The following TREML2 variants were observed in gnomAD, a reference collection of about 807,000 sequenced individuals.
TREML2 encodes trem-like transcript 2 protein.
TREML2 carries 24 observed loss-of-function variants against 25.9 expected under a neutral mutation model. The observed-to-expected ratio is 0.93, with a 90% CI of 0.67 to 1.30. The LOEUF is 1.30. TREML2 is among the 50% of genes most tolerant of loss of function. TREML2 has a pLI of 0.00. For synonymous variants in TREML2, 139 were observed against 155.2 expected (o/e 0.90, Z 0.77); for missense variants, 359 against 395.6 (o/e 0.91, Z 0.78).
Position 41,191,865 on chromosome 6 carries a change from T to G in TREML2, c.*562A>C, listed in dbSNP as rs1582094772. On this transcript the variant is annotated 3_prime_UTR_variant, in exon 5 of 5. Coordinates refer to ENST00000483722, the MANE Select transcript of TREML2 (RefSeq NM_024807.4). ...ATCCAGAGGCCCAGCAAAGGACACC[T>G]GTCCCGACAAGAGAAGCTGCCAACC... 1 of 157,960 alleles carries G rather than the reference T, an allele frequency of 6.3e-6. No homozygotes were observed. The allele number at this position is 157,960 out of a possible 1,614,324, so 9.8% of individuals were successfully genotyped here.
At chr6:41,198,926 G>T (rs1312300580) in intron 1 of TREML2, among the ~76,000 whole-genome samples, 2 of 152,158 alleles carry the variant, frequency 1.3e-5, no homozygotes, top group Non-Finnish European at 2.9e-5. Flanking sequence ...GCAGTGGCAC[G>T]ATCTCAGCTC....
intron 3 of TREML2, 123 bp downstream of exon 3, chr6:41,194,302 T>G: frequency 1.0e-6 from 1 of 959,844 alleles, no homozygotes; most frequent in Non-Finnish European, 1.5e-6. Flanking sequence ...CACCTCACAT[T>G]CAGAAGCAGG....
At position 41,194,748 on chromosome 6, in the gene TREML2, G is replaced by A; in HGVS notation, c.462C>T (p.Thr154=). The change falls in exon 3 of 5, where the codon ACC becomes ACT. Residue 154 remains threonine (T), a synonymous_variant. Coordinates refer to ENST00000483722, the MANE Select transcript of TREML2 (RefSeq NM_024807.4). ...SGTVTTGQAP[T]SGPDAPFTTG... is the part of the protein sequence containing the mutation. ...TGGTAAAAGGGGCATCAGGGCCTGAGGTAGGGGCTTGGCCAGTTGTGACAG... is the reference window on the plus strand; with the variant it reads ...TGGTAAAAGGGGCATCAGGGCCTGAAGTAGGGGCTTGGCCAGTTGTGACAG... 2 of 1,613,860 alleles carry A rather than the reference G, an allele frequency of 1.2e-6. No individual in the cohort carries two copies. The highest frequency in any genetic ancestry group is 1.7e-6 in the Non-Finnish European group (2 of 1,179,868).
At position 41,192,882 on chromosome 6, in the gene TREML2, TG is replaced by T; in HGVS notation, c.804del (p.Thr269LeufsTer7). 1 of 1,583,604 alleles carries T rather than the reference TG, an allele frequency of 6.3e-7. No homozygotes were observed. The highest frequency in any genetic ancestry group is 1.2e-5 in the South Asian group (1 of 85,844). Reference protein sequence around the residue: ...MPSIRHQDVYSTVLGVVLTLL... With the variant: ...MPSIRHQDVYXTVLGVVLTLL... ...AGGGTCAGCACCACCCCAAGCACAG[TG>T]GAGTAAACATCCTGGTGCCTGAGAA... is the stretch of plus-strand genomic sequence containing the variant. On this transcript the variant is annotated frameshift_variant, in exon 4 of 5. Transcript: ENST00000483722. LOFTEE classifies it high-confidence loss of function.
In TREML2 at chr6:41,192,658, C is replaced by T. The variant is rs1049046047; in HGVS notation, c.886+143G>A. On this transcript the variant is annotated intron_variant, in intron 4 of 4. Coordinates refer to ENST00000483722, the MANE Select transcript of TREML2 (RefSeq NM_024807.4). ...TGCTGGGTGGTCTCCGCCTGGCCGC[C>T]CTCCTCCCCAGGTGGAAGCGTCATA... 10 of 1,127,248 alleles carry T rather than the reference C, an allele frequency of 8.9e-6. No homozygotes were observed. The Admixed American group carries it at 1.2e-4, about 14-fold the overall frequency. The allele number at this position is 1,127,248 out of a possible 1,614,324, so 69.8% of individuals were successfully genotyped here. A position where few individuals can be genotyped will look rare whatever the true frequency, so the allele number is the denominator to read the frequency against.
rs1766128587 is a variant in TREML2 at position 41,194,754 on chromosome 6, G to A, written c.456C>T (p.Ala152=). Reference sequence around the variant, plus strand: ...AAGGGGCATCAGGGCCTGAGGTAGGGGCTTGGCCAGTTGTGACAGTTCCAC... The same window carrying A: ...AAGGGGCATCAGGGCCTGAGGTAGGAGCTTGGCCAGTTGTGACAGTTCCAC... ...LKSGTVTTGQ[A]PTSGPDAPFT... Residue 152 remains alanine, a synonymous_variant, in exon 3 of 5, where the codon GCC becomes GCT. Coordinates refer to ENST00000483722, the MANE Select transcript of TREML2 (RefSeq NM_024807.4). 6.2e-7 allele frequency: 1 copy of A among 1,613,422 alleles called. No individual in the cohort carries two copies. Among genetic ancestry groups the A allele is most frequent in the Admixed American group, 1.7e-5 (1 of 59,942 alleles).
At position 41,194,566 on chromosome 6, in the gene TREML2, G is replaced by C; in HGVS notation, c.644C>G (p.Pro215Arg). ...TMGSQTVTAS[P>R]SNARDSSAGP... ...AGCAGAGGAGTCCCTGGCATTGCTG[G>C]GAGACGCGGTCACTGTCTGGGACCC... The change falls in exon 3 of 5, where the codon CCC becomes CGC. Residue 215 changes from proline (P) to arginine (R), a missense_variant. Pro to Arg is a moderately radical substitution (Grantham distance 103). Transcript: ENST00000483722. 1 of 1,614,036 alleles carries C rather than the reference G, an allele frequency of 6.2e-7. No homozygotes were observed.
chr6:41,193,406 C>G (rs577949523), intron 3 of TREML2, among the ~76,000 whole-genome samples: 1 of 152,198 alleles, frequency 6.6e-6, no homozygotes, highest in Admixed American at 6.5e-5. Flanking sequence ...AGCAGGCAGC[C>G]CTCTACTGAT....
intron 2 of TREML2, among the ~76,000 whole-genome samples, chr6:41,196,027 TA>T (rs1766153724): frequency 6.6e-6 from 1 of 152,220 alleles, no homozygotes; most frequent in South Asian, 2.1e-4. Context: ...TGGAATATCC[TA>T]TACTGCTAGA....
chr6:41,196,333 A>T lies in TREML2; in HGVS notation c.377-1500T>A, dbSNP rs1766163514. On this transcript the variant is annotated intron_variant, in intron 2 of 4. Coordinates refer to ENST00000483722, the MANE Select transcript of TREML2 (RefSeq NM_024807.4). ...AGCGACAGCATTTTCCCTAGTTCAG[A>T]CCCTGTGGAAGATGGAGATGCAATT... Among the ~76,000 whole-genome samples, 2 of 152,174 alleles carry T rather than the reference A, an allele frequency of 1.3e-5. 1 individual carries two copies. The highest frequency in any genetic ancestry group is 4.1e-4 in the South Asian group (2 of 4,828).
At position 41,200,860 on chromosome 6, in the gene TREML2, A is replaced by G. The variant is rs183523992; in HGVS notation, c.55+94T>C. On this transcript the variant is annotated intron_variant, in intron 1 of 4. Coordinates refer to ENST00000483722, the MANE Select transcript of TREML2 (RefSeq NM_024807.4). ...TCCCCAACCCACAAAACACTAAACA[A>G]GAAAACTGCTGGTAAGGAGGGTAAG... is the stretch of plus-strand genomic sequence containing the variant. 5.8e-4 allele frequency: 676 copies of G among 1,161,612 alleles called. 9 individuals are homozygous for G. In the Admixed American group the frequency reaches 0.02, roughly 34 times the overall value. The allele number at this position is 1,161,612 out of a possible 1,614,324, so 72.0% of individuals were successfully genotyped here. A position where few individuals can be genotyped will look rare whatever the true frequency, so the allele number is the denominator to read the frequency against.
intron 3 of TREML2, 65 bp from the exon 4 acceptor site, chr6:41,192,966 G>T: frequency 7.4e-7 from 1 of 1,349,620 alleles, no homozygotes; most frequent in Non-Finnish European, 1.0e-6. Flanking sequence ...CCCACGTTGG[G>T]ATCGGACCAG....
Position 41,200,986 on chromosome 6 carries a change from A to T in TREML2, c.23T>A (p.Leu8Gln), listed in dbSNP as rs1314911462. The T allele has an allele frequency of 1.3e-5, 20 of 1,592,568 alleles. No homozygotes were observed. The highest frequency in any genetic ancestry group is 1.6e-5 in the Non-Finnish European group (19 of 1,169,348). Residue 8 changes from leucine (L) to glutamine (Q), a missense_variant, in exon 1 of 5, where the codon CTG becomes CAG. By Grantham distance (113) the Leu-to-Gln change is moderately radical (BLOSUM62 -2). Coordinates refer to ENST00000483722, the MANE Select transcript of TREML2 (RefSeq NM_024807.4). MAPAFLL[L>Q]LLLWPQGCVS... ...GCAACCCTGTGGCCACAGCAGCAGC[A>T]GCAGCAGGAAGGCTGGGGCCATGGT...
In TREML2 at chr6:41,192,876, G is replaced by A. The variant is rs749702426; in HGVS notation, c.811C>T (p.Leu271Phe). 6.3e-7 allele frequency: 1 copy of A among 1,590,054 alleles called. No homozygotes were observed. Among genetic ancestry groups the A allele is most frequent in the South Asian group, 1.1e-5 (1 of 87,062 alleles). Residue 271 changes from leucine to phenylalanine, a missense_variant, in exon 4 of 5, where the codon CTT becomes TTT. Physicochemically the swap from Leu to Phe is conservative, Grantham distance 22 (BLOSUM62 0). Coordinates refer to ENST00000483722, the MANE Select transcript of TREML2 (RefSeq NM_024807.4). ...IRHQDVYSTV[L>F]GVVLTLLVLM... ...ACCAGGAGGGTCAGCACCACCCCAA[G>A]CACAGTGGAGTAAACATCCTGGTGC...
At position 41,196,815 on chromosome 6, in the gene TREML2, C is replaced by T. The variant is rs572993667; in HGVS notation, c.376+1294G>A. ...ATAGAGATACTTTCAAATACATACC[C>T]CAGCTCTGACCTCTCACCCTAGCTC... is the stretch of plus-strand genomic sequence containing the variant. On this transcript the variant is annotated intron_variant, in intron 2 of 4. Coordinates refer to ENST00000483722, the MANE Select transcript of TREML2 (RefSeq NM_024807.4). Among the ~76,000 whole-genome samples, 3 of 152,336 alleles carry T rather than the reference C, an allele frequency of 2.0e-5. No individual in the cohort carries two copies. The East Asian group carries it at 5.8e-4, about 29-fold the overall frequency.
Position 41,192,517 on chromosome 6 carries a change from C to A in TREML2, c.887-11G>T. The A allele has an allele frequency of 6.2e-7, 1 of 1,613,292 alleles. No homozygotes were observed. Among genetic ancestry groups the A allele is most frequent in the Non-Finnish European group, 8.5e-7 (1 of 1,179,602 alleles). On this transcript the variant is annotated splice_polypyrimidine_tract_variant and intron_variant, in intron 4 of 4. Coordinates refer to ENST00000483722, the MANE Select transcript of TREML2 (RefSeq NM_024807.4). ...TGCACATGCTGTAGCCTGCAAGAAA[C>A]AGGGAGAGCTGAGGAAGTGTCCTGC...
intron 1 of TREML2, among the ~76,000 whole-genome samples, chr6:41,199,988 TC>T (rs1244776446): frequency 6.6e-6 from 1 of 152,232 alleles, no homozygotes; most frequent in African/African-American, 2.4e-5. Context: ...AACTCATGCT[TC>T]CTTTTCCCAC....
chr6:41,192,575 G>T (rs1561888266), intron 4 of TREML2, 69 bp from the exon 5 acceptor site: 24 of 1,459,232 alleles, frequency 1.6e-5, no homozygotes, highest in Non-Finnish European at 2.1e-5. Context: ...TCCTCCACCA[G>T]CCCCAGCCCC....
chr6:41,194,381 G>A, intron 3 of TREML2, 44 bp downstream of exon 3: 2 of 1,490,200 alleles, frequency 1.3e-6, no homozygotes, highest in Non-Finnish European at 1.8e-6. Context: ...GGTCTGTTTG[G>A]GCACTAAGTG....
Sources: allele counts gnomAD v4.1 joint callset (sites outside exome capture counted in the v4.1 genomes callset), GRCh38; gene constraint gnomAD v4.1.1; transcripts MANE v1.5; gene names NCBI Gene and HGNC (gene_info 2026-07-23, HGNC 2026-07-21).